Variants in SHROOM3 observed in about 807,000 individuals in gnomAD.
SHROOM3 encodes protein Shroom3.
Under a neutral mutation model 138.6 loss-of-function variants are expected in SHROOM3, and 47 were observed. That is an observed-to-expected ratio of 0.34 (90% confidence interval 0.27 to 0.43). SHROOM3 has a LOEUF of 0.43. Among genes scored for constraint, SHROOM3 ranks in the 20% least tolerant of loss-of-function variants. SHROOM3 has a pLI of 1.00. For missense variants in SHROOM3, 2,491 were observed against 2,596.5 expected, an observed-to-expected ratio of 0.96 and a Z score of 0.88; for synonymous variants, 1,062 against 1,063.3, an observed-to-expected ratio of 1.00 and a Z score of 0.02.
chr4:76,598,248 G>T (rs140622247), intron 2 of SHROOM3, among the ~76,000 whole-genome samples: 13 of 151,800 alleles, frequency 8.6e-5, no homozygotes, highest in Admixed American at 7.9e-4. Flanking sequence ...GGATGGTCTC[G>T]ATCTCCTGAC....
intron 2 of SHROOM3, among the ~76,000 whole-genome samples, chr4:76,578,091 A>G (rs536223759): frequency 1.3e-5 from 2 of 152,324 alleles, no homozygotes; most frequent in South Asian, 2.1e-4. Flanking sequence ...CTCCTGGTTA[A>G]GAAAAGAAGG....
At position 76,555,719 on chromosome 4, in the gene SHROOM3, C is replaced by T; in HGVS notation, c.279C>T (p.Ser93=). ...TLSSSRKEAV[S]LVKGSYKTLR... Reference sequence around the variant, plus strand: ...GCAGCTCCAGAAAGGAGGCAGTTTCCCTGGTGAAAGGATCCTACAAGACCC... The same window carrying T: ...GCAGCTCCAGAAAGGAGGCAGTTTCTCTGGTGAAAGGATCCTACAAGACCC... The change falls in exon 2 of 11, where the codon TCC becomes TCT. Residue 93 remains serine (S), a synonymous_variant. Transcript: ENST00000296043. 6.2e-7 allele frequency: 1 copy of T among 1,613,892 alleles called. No individual in the cohort carries two copies. Among genetic ancestry groups the T allele is most frequent in the South Asian group, 1.1e-5 (1 of 91,078 alleles).
chr4:76,468,620 C>G (rs1731296958), intron 1 of SHROOM3, among the ~76,000 whole-genome samples: 1 of 151,044 alleles, frequency 6.6e-6, no homozygotes, highest in Non-Finnish European at 1.5e-5. Flanking sequence ...ATACATATAT[C>G]TAAATATTTA....
At chr4:76,675,958 C>A (rs925023359) in intron 2 of SHROOM3, among the ~76,000 whole-genome samples, 1 of 152,118 alleles carries the variant, frequency 6.6e-6, no homozygotes, top group Admixed American at 6.6e-5. Context: ...GGCTGAGGAA[C>A]AAAGTCAGGG....
intron 2 of SHROOM3, among the ~76,000 whole-genome samples, chr4:76,687,698 CT>C (rs1367671667): frequency 6.6e-6 from 1 of 152,218 alleles, no homozygotes; most frequent in Non-Finnish European, 1.5e-5. Context: ...TTTCCAGAAT[CT>C]ATGTTACAAA....
At chr4:76,649,015 G>T (rs551092512) in intron 2 of SHROOM3, among the ~76,000 whole-genome samples, 1 of 152,078 alleles carries the variant, frequency 6.6e-6, no homozygotes, top group Non-Finnish European at 1.5e-5. Flanking sequence ...TTTAAATAAA[G>T]GCCACTAATT....
At position 76,456,597 on chromosome 4, in the gene SHROOM3, T is replaced by A. The variant is rs551073443; in HGVS notation, c.168+20377T>A. Among the ~76,000 whole-genome samples, 6 of 152,312 alleles carry A rather than the reference T, an allele frequency of 3.9e-5. No homozygotes were observed. In the East Asian group the frequency reaches 7.7e-4, roughly 20 times the overall value. ...ATGTACAAGTATGTTTAGCTATATA[T>A]CTAAAAGAGCAAAAACTTCGAAAAA... On this transcript the variant is annotated intron_variant, in intron 1 of 10. Transcript: ENST00000296043.
intron 1 of SHROOM3, among the ~76,000 whole-genome samples, chr4:76,485,517 C>T (rs1348029490): frequency 6.6e-6 from 1 of 152,134 alleles, no homozygotes; most frequent in South Asian, 2.1e-4. Context: ...AAGCTTTGAT[C>T]GTTTTGCACA....
At chr4:76,677,584 G>C (rs561708241) in intron 2 of SHROOM3, among the ~76,000 whole-genome samples, 3 of 152,262 alleles carry the variant, frequency 2.0e-5, no homozygotes, top group Admixed American at 6.5e-5. Context: ...ACTCTTTGTG[G>C]GCAAGTGTGT....
At chr4:76,466,497 T>G (rs1731251918) in intron 1 of SHROOM3, among the ~76,000 whole-genome samples, 1 of 152,230 alleles carries the variant, frequency 6.6e-6, no homozygotes, top group East Asian at 1.9e-4. Context: ...GTAGATAGAC[T>G]TCCTCAGGAA....
chr4:76,570,121 T>G (rs992622537), intron 2 of SHROOM3, among the ~76,000 whole-genome samples: 35 of 151,386 alleles, frequency 2.3e-4, no homozygotes, highest in Non-Finnish European at 4.3e-4. Context: ...TTCAGAAACA[T>G]TTTAGAACAC....
chr4:76,708,221 A>G (rs1720121283), intron 2 of SHROOM3, among the ~76,000 whole-genome samples: 1 of 152,070 alleles, frequency 6.6e-6, no homozygotes, highest in Non-Finnish European at 1.5e-5. Flanking sequence ...GAATGATTTT[A>G]TGTTCCTCAT....
At chr4:76,673,676 A>C (rs925836455) in intron 2 of SHROOM3, among the ~76,000 whole-genome samples, 1 of 152,164 alleles carries the variant, frequency 6.6e-6, no homozygotes, top group African/African-American at 2.4e-5. Context: ...GTTAAAAAAA[A>C]TTTTAATTGT....
chr4:76,621,932 G>A (rs1223433968), intron 2 of SHROOM3, among the ~76,000 whole-genome samples: 1 of 151,008 alleles, frequency 6.6e-6, no homozygotes, highest in Non-Finnish European at 1.5e-5. Flanking sequence ...CCGGGTTCAA[G>A]CAATTCTCCT....
At chr4:76,673,237 C>T (rs970297296) in intron 2 of SHROOM3, among the ~76,000 whole-genome samples, 10 of 152,128 alleles carry the variant, frequency 6.6e-5, no homozygotes, top group Admixed American at 2.0e-4. Flanking sequence ...CTGTCTTCAA[C>T]GGTTAGCTCT....
intron 1 of SHROOM3, among the ~76,000 whole-genome samples, chr4:76,446,652 G>A (rs1490401017): frequency 1.3e-5 from 2 of 152,090 alleles, no homozygotes; most frequent in East Asian, 1.9e-4. Flanking sequence ...AAGCTAACAG[G>A]GACTGAAACC....
chr4:76,501,248 C>A (rs771117543), intron 1 of SHROOM3, among the ~76,000 whole-genome samples: 38 of 152,136 alleles, frequency 2.5e-4, no homozygotes, highest in Admixed American at 4.6e-4. Context: ...TTTTCGTTCT[C>A]TTAAGCATAT....
rs188940368 is a variant in SHROOM3 at position 76,565,966 on chromosome 4, C to A, written c.323+10203C>A. 5.8e-3 allele frequency among the ~76,000 whole-genome samples: 879 copies of A among 151,918 alleles called. 4 individuals are homozygous for A. The highest frequency in any genetic ancestry group is 0.02 in the African/African-American group (832 of 41,422). On this transcript the variant is annotated intron_variant, in intron 2 of 10. Coordinates refer to ENST00000296043, the MANE Select transcript of SHROOM3 (RefSeq NM_020859.4). ...AGACCCTGTCTCTACAAAAACTAGC[C>A]GGGCATGGTGGTGCGTGCCTGTAGT...
intron 6 of SHROOM3, among the ~76,000 whole-genome samples, chr4:76,752,584 T>C (rs1465177777): frequency 6.6e-6 from 1 of 152,122 alleles, no homozygotes; most frequent in Non-Finnish European, 1.5e-5. Context: ...GGTGACCCTC[T>C]CACACTCTAT....
Sources: allele counts gnomAD v4.1 joint callset (sites outside exome capture counted in the v4.1 genomes callset), GRCh38; gene constraint gnomAD v4.1.1; transcripts MANE v1.5; gene names NCBI Gene and HGNC (gene_info 2026-07-23, HGNC 2026-07-21).